Variants in SCEL observed in about 807,000 individuals in gnomAD.
SCEL encodes the protein sciellin.
SCEL carries 113 observed loss-of-function variants against 117.6 expected under a neutral mutation model. The observed-to-expected ratio is 0.96, with a 90% CI of 0.83 to 1.12. The LOEUF (loss-of-function observed/expected upper bound fraction) is 1.12, where lower values mean the gene tolerates loss of function less well. Among genes scored for constraint, SCEL ranks in the 50% most tolerant of loss-of-function variants. The pLI is 0.00. For missense variants in SCEL, 785 were observed against 810.8 expected (o/e 0.97, Z 0.39); for synonymous variants, 270 against 256.2 (o/e 1.05, Z -0.51).
chr13:77,594,809 T>C (rs2087123154), intron 12 of SCEL, among the ~76,000 whole-genome samples: 1 of 152,212 alleles, frequency 6.6e-6, no homozygotes, highest in African/African-American at 2.4e-5. Context: ...TTAGTAATGC[T>C]AAGAGTGTTG....
intron 11 of SCEL, among the ~76,000 whole-genome samples, chr13:77,593,300 G>GCGCGCGCGCGCGTC (rs374537294): frequency 1.4e-5 from 2 of 145,148 alleles, no homozygotes; most frequent in Non-Finnish European, 3.0e-5. Flanking sequence ...GTGTGTGTCT[G>GCGCGCGCGCGCGTC]TGTGTGTGTG....
At chr13:77,543,575 C>G (rs2083838446) in intron 1 of SCEL, among the ~76,000 whole-genome samples, 1 of 152,084 alleles carries the variant, frequency 6.6e-6, no homozygotes. Context: ...GTAAAATGAT[C>G]AAAGAAAGTC....
intron 11 of SCEL, among the ~76,000 whole-genome samples, chr13:77,593,296 G>GTGTGTGTGTGCGCA (rs754104287): frequency 1.9e-5 from 1 of 53,630 alleles, no homozygotes; most frequent in African/African-American, 1.6e-4. Flanking sequence ...GTGTGTGTGT[G>GTGTGTGTGTGCGCA]TCTGTGTGTG....
chr13:77,634,451 G>T lies in SCEL; in HGVS notation c.1763+1G>T, dbSNP rs1345451723. ...ACACAAGGACATATGTGGAGAATAG[G>T]TATTCAAAATTTATTTCAAATATAT... On this transcript the variant is annotated splice_donor_variant, in intron 29 of 32. Transcript: ENST00000349847. LOFTEE classifies it high-confidence loss of function. 6.2e-7 allele frequency: 1 copy of T among 1,605,258 alleles called. No individual in the cohort carries two copies. The highest frequency in any genetic ancestry group is 8.5e-7 in the Non-Finnish European group (1 of 1,173,002).
rs537984203 is a variant in SCEL at position 77,573,848 on chromosome 13, A to C, written c.545+1659A>C. ...CTACAGATGACTTCCAATTACATGA[A>C]CTGCCATGTATGAATTACATTTGGA... is the stretch of plus-strand genomic sequence containing the variant. On this transcript the variant is annotated intron_variant, in intron 9 of 32. Coordinates refer to ENST00000349847, the MANE Select transcript of SCEL (RefSeq NM_144777.3). 2.0e-5 allele frequency among the ~76,000 whole-genome samples: 3 copies of C among 152,298 alleles called. 1 individual carries two copies. The South Asian group carries it at 6.2e-4, about 32-fold the overall frequency.
chr13:77,569,231 G>T, intron 7 of SCEL, 140 bp from the exon 8 acceptor site: 4 of 609,390 alleles, frequency 6.6e-6, no homozygotes, highest in African/African-American at 1.9e-5. Context: ...AAGATTTTTG[G>T]CTGTTTTTCT....
At chr13:77,615,127 G>A (rs1187417854) in intron 24 of SCEL, among the ~76,000 whole-genome samples, 1 of 152,098 alleles carries the variant, frequency 6.6e-6, no homozygotes, top group African/African-American at 2.4e-5. Flanking sequence ...GAGACATATT[G>A]AAGAGCTAAT....
At chr13:77,595,620 G>A (rs1291233521) in intron 12 of SCEL, among the ~76,000 whole-genome samples, 2 of 151,904 alleles carry the variant, frequency 1.3e-5, no homozygotes, top group African/African-American at 2.4e-5. Context: ...TATAGGACTC[G>A]TGGGTTTGCT....
chr13:77,599,654 T>G (rs1230553420), intron 14 of SCEL, 35 bp from the exon 15 acceptor site: 1 of 1,475,958 alleles, frequency 6.8e-7, no homozygotes, highest in East Asian at 2.3e-5. Context: ...CATTTCAGTA[T>G]GCAGCCTTTT....
chr13:77,642,722 A>T lies in SCEL; in HGVS notation c.1964A>T (p.Gln655Leu). The change falls in exon 32 of 33, where the codon CAG becomes CTG. Residue 655 changes from glutamine (Q) to leucine (L), a missense_variant. By Grantham distance (113) the Gln-to-Leu change is moderately radical. Coordinates refer to ENST00000349847, the MANE Select transcript of SCEL (RefSeq NM_144777.3). The stretch of plus-strand genomic sequence containing the variant: ...TTTCTTTAGTGTGAAATATGCAAGC[A>T]GCCTTTGGAAAATCTACAAGCGGGT... Reference protein sequence around the residue: ...STCFKCEICKQPLENLQAGDS... With the variant: ...STCFKCEICKLPLENLQAGDS... 1 of 1,594,996 alleles carries T rather than the reference A, an allele frequency of 6.3e-7. No individual in the cohort carries two copies. Among genetic ancestry groups the T allele is most frequent in the Middle Eastern group, 1.7e-4 (1 of 5,986 alleles).
At chr13:77,602,459 GATTT>G in intron 16 of SCEL, 191 bp from the exon 17 acceptor site, 2 of 560,394 alleles carry the variant, frequency 3.6e-6, no homozygotes, top group Non-Finnish European at 6.3e-6. Flanking sequence ...TTTCTAAACT[GATTT>G]AGACACATTT....
chr13:77,617,817 C>G lies in SCEL; in HGVS notation c.1526C>G (p.Ala509Gly). The G allele has an allele frequency of 3.1e-6, 5 of 1,610,956 alleles. No individual in the cohort carries two copies. Among genetic ancestry groups the G allele is most frequent in the Non-Finnish European group, 3.4e-6 (4 of 1,178,186 alleles). ...TTGATTTAAAGAAACCAAGATCTTG[C>G]TAACCTCATCAAAGTAAATCCTGCA... ...FTNNQRNQDL[A>G]NLIKVNPAVI... is the part of the protein sequence containing the mutation. Residue 509 changes from alanine (A) to glycine (G), a missense_variant, in exon 26 of 33, where the codon GCT (alanine) becomes GGT (glycine). Physicochemically the swap from Ala to Gly is moderately conservative, Grantham distance 60. Transcript: ENST00000349847.
At chr13:77,559,510 A>AAACAC (rs5804911) in intron 3 of SCEL, among the ~76,000 whole-genome samples, 26,127 of 151,198 alleles carry the variant, frequency 0.17, 2,330 homozygotes, top group Middle Eastern at 0.22. Flanking sequence ...CAGTCTGATA[A>AAACAC]AACACAACAC....
intron 32 of SCEL, among the ~76,000 whole-genome samples, chr13:77,643,796 T>C (rs1002370495): frequency 2.0e-5 from 3 of 152,184 alleles, no homozygotes; most frequent in African/African-American, 7.2e-5. Flanking sequence ...CTTTGCCTTC[T>C]ATATTCTGCT....
intron 9 of SCEL, among the ~76,000 whole-genome samples, chr13:77,577,429 A>G (rs1172810597): frequency 1.3e-5 from 2 of 151,966 alleles, no homozygotes; most frequent in African/African-American, 2.4e-5. Flanking sequence ...AAAACCATCA[A>G]ACCTCCTGAG....
chr13:77,546,632 G>A (rs1183706727), intron 1 of SCEL, among the ~76,000 whole-genome samples: 6 of 151,174 alleles, frequency 4.0e-5, no homozygotes, highest in African/African-American at 4.9e-5. Flanking sequence ...TTTGCTGCAC[G>A]ATGGCTTAGT....
At position 77,644,691 on chromosome 13, in the gene SCEL, T is replaced by G. The variant is rs1167479450; in HGVS notation, c.*417T>G. 6.4e-6 allele frequency: 1 copy of G among 156,748 alleles called. No homozygotes were observed. Among genetic ancestry groups the G allele is most frequent in the East Asian group, 1.9e-4 (1 of 5,396 alleles). The allele number at this position is 156,748 out of a possible 1,614,324, so 9.7% of individuals were successfully genotyped here. A position where few individuals can be genotyped will look rare whatever the true frequency, so the allele number is the denominator to read the frequency against. ...AACTGTCAAGGAAGCAAGATATGCTTTCTTCATCTGCAAAAGAAATACTAA... is the reference window on the plus strand; with the variant it reads ...AACTGTCAAGGAAGCAAGATATGCTGTCTTCATCTGCAAAAGAAATACTAA... On this transcript the variant is annotated 3_prime_UTR_variant, in exon 33 of 33. Coordinates refer to ENST00000349847, the MANE Select transcript of SCEL (RefSeq NM_144777.3).
At chr13:77,549,014 A>C (rs2084152039) in intron 1 of SCEL, among the ~76,000 whole-genome samples, 1 of 152,172 alleles carries the variant, frequency 6.6e-6, no homozygotes. Flanking sequence ...ATAGTGCTGC[A>C]ATAAACATGT....
In SCEL at chr13:77,597,489, C is replaced by T. The variant is rs1468755295; in HGVS notation, c.753-56C>T. On this transcript the variant is annotated intron_variant, in intron 12 of 32. Transcript: ENST00000349847. ...ACTGTCATTTTAAGGCAAATTTACC[C>T]TTTGACCCTGGGCAAGCTTTTTACT... 5.8e-6 allele frequency: 6 copies of T among 1,040,258 alleles called. No homozygotes were observed. The African/African-American group carries it at 6.6e-5, about 11-fold the overall frequency. The allele number at this position is 1,040,258 out of a possible 1,614,324, so 64.4% of individuals were successfully genotyped here.
Sources: allele counts gnomAD v4.1 joint callset (sites outside exome capture counted in the v4.1 genomes callset), GRCh38; gene constraint gnomAD v4.1.1; transcripts MANE v1.5; gene names NCBI Gene and HGNC (gene_info 2026-07-23, HGNC 2026-07-21).